KIAA1217: variants seen among roughly 807,000 people sequenced by gnomAD.
The protein encoded by KIAA1217 is sickle tail protein homolog.
In KIAA1217, 88 loss-of-function variants were observed where a neutral mutation model predicts 163.9. The ratio of observed to expected loss-of-function variants is 0.54; its 90% CI spans 0.45 to 0.64. The LOEUF (loss-of-function observed/expected upper bound fraction) is 0.64, where lower values mean the gene tolerates loss of function less well. Among genes scored for constraint, KIAA1217 ranks in the 30% least tolerant of loss-of-function variants. The pLI is 0.00. For missense variants in KIAA1217, 2,372 were observed against 2,475.0 expected (o/e 0.96, Z 0.88); for synonymous variants, 903 against 923.1 (o/e 0.98, Z 0.39).
Position 24,547,119 on chromosome 10 carries a change from T to C in KIAA1217, c.*795T>C. ...CTCTAGTTGTTTTCTTTGGCGTATC[T>C]AACCCCTTCTTTTGTTTTCTGAGAC... On this transcript the variant is annotated 3_prime_UTR_variant, in exon 21 of 21. Transcript: ENST00000376454. 6.6e-6 allele frequency: 1 copy of C among 150,406 alleles called. No individual in the cohort carries two copies. The highest frequency in any genetic ancestry group is 2.0e-4 in the East Asian group (1 of 5,014). 9.3% of individuals were successfully genotyped at this position (150,406 alleles called of 1,614,324 possible).
At chr10:24,340,322 G>A (rs540413351) in intron 2 of KIAA1217, among the ~76,000 whole-genome samples, 9 of 152,226 alleles carry the variant, frequency 5.9e-5, no homozygotes, top group African/African-American at 2.2e-4. Flanking sequence ...CTCCCATACA[G>A]TTCTCCTAGT....
At chr10:23,889,014 G>C (rs1262686339) in intron 1 of KIAA1217, among the ~76,000 whole-genome samples, 1 of 151,978 alleles carries the variant, frequency 6.6e-6, no homozygotes, top group Admixed American at 6.6e-5. Context: ...TTTGTGGCAA[G>C]TATCAATCAT....
At chr10:23,877,770 C>A (rs1840762416) in intron 1 of KIAA1217, among the ~76,000 whole-genome samples, 1 of 151,962 alleles carries the variant, frequency 6.6e-6, no homozygotes, top group Non-Finnish European at 1.5e-5. Flanking sequence ...CTTTTAAAAT[C>A]TCTCTTCTTA....
At chr10:23,987,955 A>G (rs1201413711) in intron 1 of KIAA1217, among the ~76,000 whole-genome samples, 1 of 152,230 alleles carries the variant, frequency 6.6e-6, no homozygotes, top group East Asian at 1.9e-4. Flanking sequence ...GATACCAAGG[A>G]GAGCTTTTGT....
intron 1 of KIAA1217, among the ~76,000 whole-genome samples, chr10:24,000,436 C>A (rs1564600226): frequency 6.6e-6 from 1 of 152,198 alleles, no homozygotes. Context: ...GTTTGCTTCG[C>A]CTTCTGCCAT....
chr10:24,436,010 G>C (rs985381569), intron 4 of KIAA1217, among the ~76,000 whole-genome samples: 1 of 151,810 alleles, frequency 6.6e-6, no homozygotes, highest in Non-Finnish European at 1.5e-5. Flanking sequence ...ACAGGTGTGC[G>C]CCACCACGCC....
intron 1 of KIAA1217, among the ~76,000 whole-genome samples, chr10:23,979,470 C>A (rs905536650): frequency 3.3e-5 from 5 of 152,162 alleles, no homozygotes; most frequent in Admixed American, 3.3e-4. Flanking sequence ...TCATGTCTTT[C>A]TTAAGGGAAA....
chr10:24,426,888 G>T (rs1406955573), intron 3 of KIAA1217, among the ~76,000 whole-genome samples: 1 of 152,162 alleles, frequency 6.6e-6, no homozygotes, highest in African/African-American at 2.4e-5. Context: ...GCAGGAAGAG[G>T]AGTTGAGGTC....
At chr10:24,044,950 A>G (rs1483926329) in intron 2 of KIAA1217, among the ~76,000 whole-genome samples, 1 of 152,086 alleles carries the variant, frequency 6.6e-6, no homozygotes, top group African/African-American at 2.4e-5. Context: ...CCTGATTTCT[A>G]GAACTCCTGA....
At position 23,843,671 on chromosome 10, in the gene KIAA1217, G is replaced by A. The variant is rs527636700; in HGVS notation, c.-321+148437G>A. Among the ~76,000 whole-genome samples, 22 of 152,266 alleles carry A rather than the reference G, an allele frequency of 1.4e-4. 1 individual carries two copies. The South Asian group carries it at 2.7e-3, about 19-fold the overall frequency. On this transcript the variant is annotated intron_variant, in intron 1 of 18. Transcript: ENST00000376462. ...CCAGCAAGAAATCAGAGAGAAGGAG[G>A]ATACTGGGATAAGATCTTTGTTGAC...
chr10:23,734,919 T>C (rs961613807), intron 1 of KIAA1217, among the ~76,000 whole-genome samples: 2 of 152,160 alleles, frequency 1.3e-5, no homozygotes, highest in African/African-American at 4.8e-5. Context: ...ATTAAGTCTA[T>C]ACCTGGTAGT....
Position 24,236,961 on chromosome 10 carries a change from C to T in KIAA1217, c.354+17052C>T, listed in dbSNP as rs192550617. 8.1e-3 allele frequency among the ~76,000 whole-genome samples: 1,230 copies of T among 152,266 alleles called. 9 individuals are homozygous for T. Among genetic ancestry groups the T allele is most frequent in the Admixed American group, 0.01 (160 of 15,286 alleles). ...GCCACTGCTCCTGGCCCGTTTTCTA[C>T]CTCTGCTATAAAACAGGTTTGTTGA... On this transcript the variant is annotated intron_variant, in intron 2 of 20. Transcript: ENST00000376454.
At chr10:24,459,772 T>G (rs1422656722) in intron 5 of KIAA1217, among the ~76,000 whole-genome samples, 1 of 151,080 alleles carries the variant, frequency 6.6e-6, no homozygotes, top group Non-Finnish European at 1.5e-5. Context: ...AAAAAAAAAA[T>G]GTTTTTTAAT....
chr10:24,084,568 A>G (rs1188839914), intron 2 of KIAA1217, among the ~76,000 whole-genome samples: 1 of 152,196 alleles, frequency 6.6e-6, no homozygotes, highest in Non-Finnish European at 1.5e-5. Context: ...GAGAGCAGAG[A>G]CCTAAAGAAT....
chr10:23,950,442 A>G (rs1426708176), intron 1 of KIAA1217, among the ~76,000 whole-genome samples: 1 of 151,092 alleles, frequency 6.6e-6, no homozygotes, highest in East Asian at 1.9e-4. Flanking sequence ...TTTCTAATCC[A>G]CTGAGGTTTT....
chr10:24,228,573 C>T (rs1014623041), intron 2 of KIAA1217, among the ~76,000 whole-genome samples: 2 of 152,164 alleles, frequency 1.3e-5, no homozygotes, highest in African/African-American at 4.8e-5. Context: ...CATCTCAACA[C>T]ATGGATTCCA....
At chr10:23,719,912 C>G (rs916619933) in intron 1 of KIAA1217, among the ~76,000 whole-genome samples, 1 of 151,828 alleles carries the variant, frequency 6.6e-6, no homozygotes, top group African/African-American at 2.4e-5. Context: ...GACTCCGCCT[C>G]AAACAAACAA....
At position 23,748,561 on chromosome 10, in the gene KIAA1217, G is replaced by A. The variant is rs538312532; in HGVS notation, c.-321+53327G>A. Among the ~76,000 whole-genome samples, 278 of 128,200 alleles carry A rather than the reference G, an allele frequency of 2.2e-3. 1 individual carries two copies. Among genetic ancestry groups the A allele is most frequent in the African/African-American group, 8.3e-3 (258 of 31,240 alleles). The allele number at this position is 128,200 out of a possible 152,430, so 84.1% of individuals were successfully genotyped here. On this transcript the variant is annotated intron_variant, in intron 1 of 18. Coordinates refer to the KIAA1217 transcript ENST00000376462. ...GGGGAGGAGAGGAGAGGGGAGAGGA[G>A]GGGGAGGGGGACGGAAGGAAGGGGG...
At chr10:24,265,062 C>T (rs772070655) in intron 2 of KIAA1217, among the ~76,000 whole-genome samples, 7 of 152,070 alleles carry the variant, frequency 4.6e-5, no homozygotes, top group Non-Finnish European at 1.0e-4. Flanking sequence ...CCAGGTTTTA[C>T]CATGTTACCC....
Sources: gnomAD v4.1 joint callset for allele counts (sites outside exome capture counted in the v4.1 genomes callset) on GRCh38, gnomAD v4.1.1 for gene constraint, MANE v1.5 for transcripts, NCBI Gene and HGNC (gene_info 2026-07-23, HGNC 2026-07-21) for gene names.